Variants in PLCH1 observed in about 807,000 individuals in gnomAD.
PLCH1 encodes the protein phospholipase C eta 1, also known as 1-phosphatidylinositol 4,5-bisphosphate phosphodiesterase eta-1.
A neutral mutation model predicts 126.7 loss-of-function variants in PLCH1; 60 were observed. That is an observed-to-expected ratio of 0.47 (90% CI 0.38 to 0.59). The LOEUF (loss-of-function observed/expected upper bound fraction) is 0.59. PLCH1 is among the 20% of genes least tolerant of loss of function. The pLI is 0.00. For synonymous variants in PLCH1, 719 were observed against 734.9 expected (o/e 0.98, Z 0.35); for missense variants, 1,723 against 2,040.0 (o/e 0.84, Z 2.99).
intron 9 of PLCH1, among the ~76,000 whole-genome samples, chr3:155,551,401 T>C (rs1050248040): frequency 2.4e-5 from 3 of 126,380 alleles, no homozygotes; most frequent in Non-Finnish European, 4.6e-5. Context: ...GCTGAGATCA[T>C]GCCACTGCAC....
chr3:155,497,692 T>G (rs1202215945), intron 14 of PLCH1, among the ~76,000 whole-genome samples: 1 of 152,140 alleles, frequency 6.6e-6, no homozygotes, highest in Non-Finnish European at 1.5e-5. Flanking sequence ...TAAGTGGAAA[T>G]TTCAGAAATA....
intron 21 of PLCH1, among the ~76,000 whole-genome samples, chr3:155,461,640 T>A (rs1334363508): frequency 6.6e-6 from 1 of 152,146 alleles, no homozygotes; most frequent in Admixed American, 6.5e-5. Context: ...AACCAACTGA[T>A]GGAGAAGGGA....
intron 2 of PLCH1, chr3:155,676,272 T>G: frequency 8.4e-7 from 1 of 1,185,902 alleles, no homozygotes; most frequent in Non-Finnish European, 1.0e-6. Context: ...TAGAACTTTG[T>G]CCCAAAGTGA....
chr3:155,487,936 T>C (rs534251014), intron 21 of PLCH1, 92 bp downstream of exon 21: 5 of 858,750 alleles, frequency 5.8e-6, no homozygotes, highest in East Asian at 5.2e-5. Flanking sequence ...GAACAGTTTG[T>C]CAAAATTTAC....
intron 2 of PLCH1, among the ~76,000 whole-genome samples, chr3:155,662,808 C>T (rs934484522): frequency 4.6e-5 from 7 of 151,986 alleles, no homozygotes; most frequent in Admixed American, 1.3e-4. Context: ...GGATTACAGG[C>T]GACAACCACC....
chr3:155,648,841 G>C (rs1380715142), intron 2 of PLCH1, among the ~76,000 whole-genome samples: 1 of 152,194 alleles, frequency 6.6e-6, no homozygotes, highest in South Asian at 2.1e-4. Flanking sequence ...TCTGAGCTCT[G>C]AGGCTGAGCA....
intron 2 of PLCH1, among the ~76,000 whole-genome samples, chr3:155,694,318 G>A (rs141980195): frequency 6.6e-6 from 1 of 152,306 alleles, no homozygotes; most frequent in African/African-American, 2.4e-5. Context: ...CCAGGAAATA[G>A]TTTGGTTTTA....
At chr3:155,491,416 C>T (rs1716183762) in intron 18 of PLCH1, among the ~76,000 whole-genome samples, 1 of 151,866 alleles carries the variant, frequency 6.6e-6, no homozygotes, top group Non-Finnish European at 1.5e-5. Context: ...GGATTGTGCA[C>T]CACACCTGGC....
chr3:155,499,899 C>T lies in PLCH1; in HGVS notation c.1796+804G>A, dbSNP rs144607327. On this transcript the variant is annotated intron_variant, in intron 14 of 22. Transcript: ENST00000460012. ...CTAATTAGTTACTATTTTATGTATACATATTCTGTTGGAGCTCAAATATAA... is the reference window on the plus strand; with the variant it reads ...CTAATTAGTTACTATTTTATGTATATATATTCTGTTGGAGCTCAAATATAA... 2.0e-3 allele frequency among the ~76,000 whole-genome samples: 305 copies of T among 152,204 alleles called. 8 individuals carry two copies. In the East Asian group the frequency reaches 0.055, roughly 27 times the overall value.
Position 155,481,044 on chromosome 3 carries a change from C to A in PLCH1, c.4982G>T (p.Cys1661Phe), listed in dbSNP as rs2107998604. 2 of 1,613,714 alleles carry A rather than the reference C, an allele frequency of 1.2e-6. No homozygotes were observed. Among genetic ancestry groups the A allele is most frequent in the South Asian group, 1.1e-5 (1 of 91,082 alleles). ...AGTCTGCAAAACAGAATTATCTGAACAAAACTGGTCAACGTGGCCATAGTG... is the reference window on the plus strand; with the variant it reads ...AGTCTGCAAAACAGAATTATCTGAAAAAAACTGGTCAACGTGGCCATAGTG... Reference protein sequence around the residue: ...ALHYGHVDQFCSDNSVLQTEP... With the variant: ...ALHYGHVDQFFSDNSVLQTEP... The change falls in exon 23 of 23, where the codon TGT becomes TTT. Residue 1661 changes from cysteine (C) to phenylalanine (F), a missense_variant. This residue lies in a region of PLCH1 where 947 missense variants were observed against 977.1 expected (regional missense o/e 0.97). Transcript: ENST00000460012. The surrounding 1 kb of genome is among the most constrained non-coding windows in gnomAD (Gnocchi z 4.2).
chr3:155,458,456 AAG>A (rs1487424585), intron 21 of PLCH1, among the ~76,000 whole-genome samples: 1 of 75,638 alleles, frequency 1.3e-5, no homozygotes, highest in South Asian at 3.8e-4. Flanking sequence ...GAAGGAAGGA[AAG>A]AAAGAAAGAA....
At chr3:155,534,128 A>G (rs917793353) in intron 10 of PLCH1, among the ~76,000 whole-genome samples, 2 of 152,046 alleles carry the variant, frequency 1.3e-5, no homozygotes, top group African/African-American at 4.8e-5. Context: ...CCAGAATGAT[A>G]GATCCACTGA....
intron 2 of PLCH1, among the ~76,000 whole-genome samples, chr3:155,631,940 G>A (rs1379196744): frequency 4.1e-5 from 6 of 144,858 alleles, no homozygotes; most frequent in Non-Finnish European, 9.0e-5. Context: ...ACTTGACTCA[G>A]AAACATAAAA....
intron 22 of PLCH1, among the ~76,000 whole-genome samples, chr3:155,483,552 TATTTA>T (rs976765333): frequency 1.8e-4 from 28 of 152,306 alleles, no homozygotes; most frequent in Admixed American, 1.1e-3. Context: ...TTTGGGAGCA[TATTTA>T]ATTTAGTCAA....
At chr3:155,705,390 G>A (rs1212374001) in intron 1 of PLCH1, among the ~76,000 whole-genome samples, 3 of 151,972 alleles carry the variant, frequency 2.0e-5, no homozygotes, top group Non-Finnish European at 4.4e-5. Context: ...GTGCTGGACT[G>A]GCCACTTCCT....
In PLCH1 at chr3:155,482,359, T is replaced by C; in HGVS notation, c.3667A>G (p.Ser1223Gly). Residue 1223 changes from serine (S) to glycine (G), a missense_variant, in exon 23 of 23, where the codon AGC (serine) becomes GGC (glycine). Physicochemically the swap from Ser to Gly is moderately conservative, Grantham distance 56 (BLOSUM62 0). Coordinates refer to ENST00000460012, the MANE Select transcript of PLCH1 (RefSeq NM_014996.4). ...TTGATGGGCATTTTTAGGCCCAGGC[T>C]AGGCAAGGGACAATGGCCTGACATC... is the stretch of plus-strand genomic sequence containing the variant. ...SVMSGHCPLP[S>G]LGLKMPIKHG... 6.2e-7 allele frequency: 1 copy of C among 1,614,082 alleles called. No individual in the cohort carries two copies. The highest frequency in any genetic ancestry group is 8.5e-7 in the Non-Finnish European group (1 of 1,179,972).
At chr3:155,525,221 A>G (rs1466632771) in intron 10 of PLCH1, among the ~76,000 whole-genome samples, 1 of 152,178 alleles carries the variant, frequency 6.6e-6, no homozygotes, top group East Asian at 1.9e-4. Context: ...CCCATTATGT[A>G]CAACTGCTAT....
At chr3:155,585,511 A>AG (rs1731239800) in intron 5 of PLCH1, among the ~76,000 whole-genome samples, 1 of 152,210 alleles carries the variant, frequency 6.6e-6, no homozygotes, top group African/African-American at 2.4e-5. Context: ...TGGATGCCAC[A>AG]GAATAAGTCT....
intron 21 of PLCH1, among the ~76,000 whole-genome samples, chr3:155,454,199 C>T (rs551250459): frequency 9.2e-5 from 14 of 152,242 alleles, no homozygotes; most frequent in Admixed American, 2.6e-4. Flanking sequence ...AAGCCAATAC[C>T]ATGGCACCAG....
Sources: gnomAD v4.1 joint callset for allele counts (sites outside exome capture counted in the v4.1 genomes callset) on GRCh38, gnomAD v4.1.1 for gene constraint, gnomAD v4.1.1 regional missense constraint, Gnocchi (gnomAD v3.1) non-coding constraint, MANE v1.5 for transcripts, NCBI Gene and HGNC (gene_info 2026-07-23, HGNC 2026-07-21) for gene names.